FARP2: variants seen among roughly 807,000 people sequenced by gnomAD.
FARP2 encodes FERM, ARHGEF and pleckstrin domain-containing protein 2.
FARP2 carries 111 observed loss-of-function variants against 130.5 expected under a neutral mutation model. The observed-to-expected ratio is 0.85, with a 90% CI of 0.73 to 1.00. FARP2 has a LOEUF of 1.00. FARP2 is among the 50% of genes least tolerant of loss of function. The probability of loss-of-function intolerance (pLI) is 0.00; values close to 1 mark genes in which losing one functional copy is unlikely to be tolerated. For synonymous variants in FARP2, 504 were observed against 516.9 expected, an observed-to-expected ratio of 0.98 and a Z score of 0.34; for missense variants, 1,385 against 1,346.3, an observed-to-expected ratio of 1.03 and a Z score of -0.45.
At chr2:241,405,508 A>C (rs2062309588) in intron 4 of FARP2, 2 of 152,252 alleles carry the variant, frequency 1.3e-5, no homozygotes, top group African/African-American at 4.8e-5. Flanking sequence ...TTGAAGAAAA[A>C]CGTGTAGAAA....
chr2:241,430,139 G>A (rs2063055014), intron 8 of FARP2, among the ~76,000 whole-genome samples: 1 of 152,168 alleles, frequency 6.6e-6, no homozygotes, highest in Admixed American at 6.5e-5. Context: ...TTGATAATCT[G>A]TTGGTTTCAT....
At chr2:241,438,822 G>C (rs549291578) in intron 12 of FARP2, among the ~76,000 whole-genome samples, 12 of 151,660 alleles carry the variant, frequency 7.9e-5, no homozygotes, top group Non-Finnish European at 1.3e-4. Flanking sequence ...AGTGGAGACG[G>C]GGTTTCACTG....
At chr2:241,491,200 C>A in intron 23 of FARP2, 21 bp downstream of exon 23, 1 of 1,545,492 alleles carries the variant, frequency 6.5e-7, no homozygotes, top group Non-Finnish European at 8.9e-7. Flanking sequence ...GCCACAACCC[C>A]CCAGGAGACC....
At chr2:241,405,146 T>G (rs749936340) in intron 4 of FARP2, 7 of 219,672 alleles carry the variant, frequency 3.2e-5, no homozygotes, top group Non-Finnish European at 6.3e-5. Flanking sequence ...GACATTGAGA[T>G]TCTTCTTTTA....
chr2:241,411,913 T>C (rs1358185961), intron 6 of FARP2, among the ~76,000 whole-genome samples: 1 of 152,228 alleles, frequency 6.6e-6, no homozygotes, highest in Admixed American at 6.5e-5. Flanking sequence ...ACGTGTTGAT[T>C]AATAAAAGTT....
chr2:241,453,554 G>A (rs573097920), intron 13 of FARP2, among the ~76,000 whole-genome samples: 30 of 149,372 alleles, frequency 2.0e-4, no homozygotes, highest in East Asian at 6.1e-4. Context: ...CCTGGGAGGC[G>A]GAGCTTGCAG....
At chr2:241,368,809 T>G (rs1308537684) in intron 1 of FARP2, among the ~76,000 whole-genome samples, 4 of 152,152 alleles carry the variant, frequency 2.6e-5, no homozygotes, top group Non-Finnish European at 5.9e-5. Context: ...AGCTTAGTAA[T>G]AAACTTAAAG....
intron 2 of FARP2, 144 bp from the exon 3 acceptor site, chr2:241,403,684 T>A (rs1048896270): frequency 5.3e-5 from 23 of 433,248 alleles, no homozygotes; most frequent in South Asian, 8.0e-5. Flanking sequence ...ACTTTTTTTT[T>A]TATATATAGT....
At chr2:241,413,674 G>A (rs2062586550) in intron 7 of FARP2, among the ~76,000 whole-genome samples, 1 of 152,220 alleles carries the variant, frequency 6.6e-6, no homozygotes, top group African/African-American at 2.4e-5. Flanking sequence ...CAGGCACGGT[G>A]GCTCATGCCT....
chr2:241,478,549 T>A, intron 19 of FARP2: 1 of 450,208 alleles, frequency 2.2e-6, no homozygotes, highest in South Asian at 1.8e-5. Flanking sequence ...AGGATGAAAC[T>A]GTTGCCTATT....
intron 1 of FARP2, among the ~76,000 whole-genome samples, chr2:241,357,934 A>C (rs2061104565): frequency 6.6e-6 from 1 of 152,240 alleles, no homozygotes; most frequent in South Asian, 2.1e-4. Flanking sequence ...CAGTGGCTGT[A>C]ATCCCAGCAC....
rs866554991 is a variant in FARP2, at chr2:241,465,536, T to A, written c.1893+1556T>A. 6 of 1,550,420 alleles carry A rather than the reference T, an allele frequency of 3.9e-6. No homozygotes were observed. The African/African-American group carries it at 4.1e-5, about 11-fold the overall frequency. On this transcript the variant is annotated intron_variant, in intron 17 of 26. Transcript: ENST00000264042. ...ACTTTTGGATAGGCAGGGGCAGCAC[T>A]GGGGGAAGTGAGATTTCTCTTCAAT...
rs1454352759 is a variant in FARP2 at position 241,494,653 on chromosome 2, C to G, written c.*528C>G. On this transcript the variant is annotated 3_prime_UTR_variant, in exon 27 of 27. Coordinates refer to ENST00000264042, the MANE Select transcript of FARP2 (RefSeq NM_014808.4). The surrounding 1 kb of genome is among the most constrained non-coding windows in gnomAD (Gnocchi z 4.9). ...GCCTGCCCTGCAGGTCACAGCTAAA[C>G]AAGTCTGGCAGAAGCCACGCTTGTT... The G allele has an allele frequency of 6.6e-6, 1 of 152,206 alleles. No homozygotes were observed. Among genetic ancestry groups the G allele is most frequent in the East Asian group, 1.9e-4 (1 of 5,178 alleles). 9.4% of individuals were successfully genotyped at this position (152,206 alleles called of 1,614,324 possible). A position where few individuals can be genotyped will look rare whatever the true frequency, so the allele number is the denominator to read the frequency against.
At chr2:241,410,042 G>A (rs1048577503) in intron 5 of FARP2, among the ~76,000 whole-genome samples, 1 of 152,120 alleles carries the variant, frequency 6.6e-6, no homozygotes, top group Non-Finnish European at 1.5e-5. Flanking sequence ...TAGGGACAGG[G>A]GGTTGGTCTT....
intron 9 of FARP2, 36 bp downstream of exon 9, chr2:241,431,810 TTTTA>T (rs535404336): frequency 9.2e-5 from 70 of 758,958 alleles, no homozygotes; most frequent in South Asian, 3.2e-4. Flanking sequence ...TTTTATTTTA[TTTTA>T]TTTATTTATT....
At chr2:241,383,568 C>T (rs987481222) in intron 2 of FARP2, among the ~76,000 whole-genome samples, 3 of 152,154 alleles carry the variant, frequency 2.0e-5, no homozygotes, top group African/African-American at 7.2e-5. Flanking sequence ...GAACTCCACC[C>T]AGGACGTGAT....
rs2063969361 is a variant in FARP2, at chr2:241,459,961, C to T, written c.1588-2562C>T. On this transcript the variant is annotated intron_variant, in intron 14 of 26. Coordinates refer to ENST00000264042, the MANE Select transcript of FARP2 (RefSeq NM_014808.4). This position sits in a 1 kb window ranked among gnomAD's most constrained non-coding sequence, Gnocchi z 5.3. ...TGTGGCTCTCTGATGGCGTATGTGTCTCTATGTGCCTCGCCCCTGGAGGAG... is the reference window on the plus strand; with the variant it reads ...TGTGGCTCTCTGATGGCGTATGTGTTTCTATGTGCCTCGCCCCTGGAGGAG... Among the ~76,000 whole-genome samples the T allele has an allele frequency of 6.6e-6, 1 of 152,152 alleles. No individual in the cohort carries two copies. The highest frequency in any genetic ancestry group is 1.5e-5 in the Non-Finnish European group (1 of 68,016).
At chr2:241,469,408 T>A (rs1327936335) in intron 18 of FARP2, among the ~76,000 whole-genome samples, 1 of 152,166 alleles carries the variant, frequency 6.6e-6, no homozygotes. Flanking sequence ...AATTTTATCA[T>A]TGTCATTAAA....
chr2:241,456,966 G>A lies in FARP2; in HGVS notation c.1587+44G>A, dbSNP rs201301838. On this transcript the variant is annotated intron_variant, in intron 14 of 26. Transcript: ENST00000264042. ...AGAAGCTAGCAGAGGGTTGCAGGGT[G>A]GGCCTGTTTTCACTGTTCCTTCGGG... 501 of 1,509,674 alleles carry A rather than the reference G, an allele frequency of 3.3e-4. 2 individuals carry two copies. The African/African-American group carries it at 6.4e-3, about 19-fold the overall frequency. 93.5% of individuals were successfully genotyped at this position (1,509,674 alleles called of 1,614,324 possible). A position where few individuals can be genotyped will look rare whatever the true frequency, so the allele number is the denominator to read the frequency against.
Sources: allele counts gnomAD v4.1 joint callset (sites outside exome capture counted in the v4.1 genomes callset), GRCh38; gene constraint gnomAD v4.1.1; non-coding constraint Gnocchi (gnomAD v3.1); transcripts MANE v1.5; gene names NCBI Gene and HGNC (gene_info 2026-07-23, HGNC 2026-07-21).